Variants in PLAC1 observed in about 807,000 individuals in gnomAD.
PLAC1 encodes the protein placenta-specific protein 1.
For missense variants in PLAC1, 136 were observed against 163.2 expected (o/e 0.83, Z 0.91); for synonymous variants, 68 against 62.1 (o/e 1.09, Z -0.44).
chrX:134,673,529 T>C (rs2078463388), intron 2 of PLAC1, among the ~76,000 whole-genome samples: 1 of 110,576 alleles, frequency 9.0e-6, no homozygotes, highest in African/African-American at 3.3e-5. Context: ...TTTTTTTTTT[T>C]TAATAAATGG....
chrX:134,663,877 C>A (rs1168259217), intron 2 of PLAC1, among the ~76,000 whole-genome samples: 1 of 111,131 alleles, frequency 9.0e-6, no homozygotes, highest in African/African-American at 3.3e-5. Context: ...ATTAATAAAT[C>A]TTTTTGTTGA....
intron 1 of PLAC1, among the ~76,000 whole-genome samples, chrX:134,606,895 A>G (rs1003132216): frequency 8.9e-6 from 1 of 112,014 alleles, no homozygotes; most frequent in African/African-American, 3.2e-5. Flanking sequence ...GAATGAAATC[A>G]TGTGTTTTGC....
intron 2 of PLAC1, among the ~76,000 whole-genome samples, chrX:134,674,298 C>T (rs2078465917): frequency 8.9e-6 from 1 of 112,368 alleles, no homozygotes; most frequent in Non-Finnish European, 1.9e-5. Context: ...AGCCTTATGC[C>T]TCAAATTCTC....
At chrX:134,728,664 G>A (rs1050596359) in intron 2 of PLAC1, among the ~76,000 whole-genome samples, 8 of 111,847 alleles carry the variant, frequency 7.2e-5, no homozygotes, top group South Asian at 3.8e-4. Flanking sequence ...CTGAAATGAC[G>A]GGACACCAGA....
chrX:134,745,372 C>T (rs1253528369), intron 1 of PLAC1, among the ~76,000 whole-genome samples: 1 of 111,766 alleles, frequency 8.9e-6, no homozygotes, highest in Non-Finnish European at 1.9e-5. Flanking sequence ...AATCCAGAGA[C>T]ATGGCATCAC....
intron 1 of PLAC1, among the ~76,000 whole-genome samples, chrX:134,745,986 G>A (rs935998267): frequency 9.0e-6 from 1 of 111,548 alleles, no homozygotes; most frequent in African/African-American, 3.3e-5. Context: ...TTCAGAGGGA[G>A]GTAAGTAACC....
chrX:134,688,397 C>T (rs1321864668), intron 2 of PLAC1, among the ~76,000 whole-genome samples: 1 of 112,301 alleles, frequency 8.9e-6, no homozygotes, highest in Non-Finnish European at 1.9e-5. Flanking sequence ...CAGGCAGCTG[C>T]CATCCTGCAT....
rs375519171 is a variant in PLAC1, at chrX:134,763,640, G to T, written n.89+594C>A. 5.6e-4 allele frequency among the ~76,000 whole-genome samples: 62 copies of T among 110,517 alleles called. No homozygotes were observed. In the South Asian group the frequency reaches 0.024, roughly 42 times the overall value. ...GTTCGAGACCAGCCTGGCTAACACG[G>T]TGAAACCCCATCTCTACTAAAAATA... On this transcript the variant is annotated intron_variant and non_coding_transcript_variant, in intron 1 of 2. Transcript: ENST00000466797.
chrX:134,701,499 C>A (rs1429936401), intron 2 of PLAC1, among the ~76,000 whole-genome samples: 1 of 111,759 alleles, frequency 8.9e-6, no homozygotes. Flanking sequence ...AGTAAACAGA[C>A]AACATATAGA....
intron 2 of PLAC1, among the ~76,000 whole-genome samples, chrX:134,711,359 T>A (rs1678948287): frequency 8.9e-6 from 1 of 112,411 alleles, no homozygotes. Flanking sequence ...TGCAAATAAA[T>A]TCTTTCAAAT....
intron 1 of PLAC1, among the ~76,000 whole-genome samples, chrX:134,618,868 T>C (rs2078197764): frequency 8.9e-6 from 1 of 112,651 alleles, no homozygotes; most frequent in Non-Finnish European, 1.9e-5. Context: ...GTCTGCCTTA[T>C]AGGCTGTACT....
chrX:134,590,076 T>G (rs2078029638), intron 2 of PLAC1, among the ~76,000 whole-genome samples: 1 of 109,780 alleles, frequency 9.1e-6, no homozygotes, highest in African/African-American at 3.3e-5. Flanking sequence ...GTGCCTGTAG[T>G]CCCAGCTACT....
chrX:134,583,052 T>C (rs370962525), intron 2 of PLAC1, among the ~76,000 whole-genome samples: 60 of 111,744 alleles, frequency 5.4e-4, no homozygotes, highest in East Asian at 2.8e-3. Context: ...ACACCATGAG[T>C]GTAAAACTGT....
At chrX:134,737,580 C>T (rs1163358676) in intron 1 of PLAC1, among the ~76,000 whole-genome samples, 1 of 112,466 alleles carries the variant, frequency 8.9e-6, no homozygotes, top group Non-Finnish European at 1.9e-5. Flanking sequence ...TGGACAGGGG[C>T]CAGGGAAGAG....
At chrX:134,763,601 A>G (rs767768768) in intron 1 of PLAC1, among the ~76,000 whole-genome samples, 1 of 110,955 alleles carries the variant, frequency 9.0e-6, no homozygotes, top group East Asian at 2.8e-4. Context: ...CAGGCGGATC[A>G]CCTGAGGTCA....
chrX:134,685,024 G>A (rs1456774211), intron 2 of PLAC1, among the ~76,000 whole-genome samples: 1 of 112,177 alleles, frequency 8.9e-6, no homozygotes, highest in Non-Finnish European at 1.9e-5. Flanking sequence ...CCTGTCTTGG[G>A]AGACTGACTA....
chrX:134,585,107 G>A (rs1487850638), intron 2 of PLAC1, among the ~76,000 whole-genome samples: 8 of 100,994 alleles, frequency 7.9e-5, no homozygotes, highest in African/African-American at 2.9e-4. Context: ...TGAAGCGGGC[G>A]GATCACGAGG....
chrX:134,581,783 T>G (rs376424815), intron 2 of PLAC1, among the ~76,000 whole-genome samples: 42 of 110,356 alleles, frequency 3.8e-4, no homozygotes, highest in Middle Eastern at 4.6e-3. Context: ...CCGGCCCAGT[T>G]TCTCAGACTC....
At chrX:134,763,587 G>A (rs965604397) in intron 1 of PLAC1, among the ~76,000 whole-genome samples, 3 of 110,878 alleles carry the variant, frequency 2.7e-5, no homozygotes, top group Non-Finnish European at 5.7e-5. Flanking sequence ...TTGGGAGGCC[G>A]AGGCAGGCGG....
Sources: allele counts gnomAD v4.1 joint callset (sites outside exome capture counted in the v4.1 genomes callset), GRCh38; gene constraint gnomAD v4.1.1; transcripts MANE v1.5; gene names NCBI Gene and HGNC (gene_info 2026-07-23, HGNC 2026-07-21).